Variants in DCP2 observed in about 807,000 individuals in gnomAD.
DCP2 encodes the protein decapping mRNA 2, also known as m7GpppN-mRNA hydrolase.
Under a neutral mutation model 56.1 loss-of-function variants are expected in DCP2, and 30 were observed. That is an observed-to-expected ratio of 0.53 (90% CI 0.40 to 0.73). The LOEUF (loss-of-function observed/expected upper bound fraction) is 0.73. Among genes scored for constraint, DCP2 ranks in the 30% least tolerant of loss-of-function variants. DCP2 has a pLI of 0.00. For synonymous variants in DCP2, 197 were observed against 163.3 expected, an observed-to-expected ratio of 1.21 and a Z score of -1.57; for missense variants, 533 against 502.7, an observed-to-expected ratio of 1.06 and a Z score of -0.58.
intron 1 of DCP2, among the ~76,000 whole-genome samples, chr5:112,978,002 G>C (rs938166136): frequency 3.3e-5 from 5 of 151,892 alleles, no homozygotes; most frequent in Admixed American, 3.3e-4. Flanking sequence ...TTTTGAGACG[G>C]AGCCTCTTTC....
chr5:113,001,505 T>C (rs1301383120), intron 6 of DCP2, 36 bp downstream of exon 6: 3 of 1,606,076 alleles, frequency 1.9e-6, no homozygotes, highest in East Asian at 2.2e-5. Flanking sequence ...ACTTTCATGA[T>C]TGGGATAGTC....
rs1265895693 is a variant in DCP2, at chr5:113,011,329, G to C, written c.1099+522G>C. Among the ~76,000 whole-genome samples, 3 of 152,290 alleles carry C rather than the reference G, an allele frequency of 2.0e-5. No individual in the cohort carries two copies. The South Asian group carries it at 6.2e-4, about 32-fold the overall frequency. ...GATACTAAGTATGAGTTTTATTAAAGATACTTGCAATTTCTCCTTCCTCGG... is the reference window on the plus strand; with the variant it reads ...GATACTAAGTATGAGTTTTATTAAACATACTTGCAATTTCTCCTTCCTCGG... On this transcript the variant is annotated intron_variant, in intron 10 of 10. Coordinates refer to ENST00000389063, the MANE Select transcript of DCP2 (RefSeq NM_152624.6).
In DCP2 at chr5:113,001,689, T is replaced by G. The variant is rs1206824066; in HGVS notation, c.806+15T>G. 1.3e-6 allele frequency: 2 copies of G among 1,597,548 alleles called. No individual in the cohort carries two copies. The highest frequency in any genetic ancestry group is 3.3e-5 in the Admixed American group (2 of 59,846). ...GAAAAATTGAGGTAAAGAAATACAT[T>G]CATGGAATCCTGATTTTCTAATAGT... On this transcript the variant is annotated intron_variant, in intron 7 of 10. Transcript: ENST00000389063.
chr5:112,984,901 C>T (rs985005444), intron 1 of DCP2, among the ~76,000 whole-genome samples: 1 of 151,054 alleles, frequency 6.6e-6, no homozygotes, highest in Non-Finnish European at 1.5e-5. Context: ...AGAAGGGCCT[C>T]TTGTAATTGG....
intron 9 of DCP2, among the ~76,000 whole-genome samples, chr5:113,010,184 C>T (rs1195674172): frequency 6.6e-6 from 1 of 151,134 alleles, no homozygotes; most frequent in Non-Finnish European, 1.5e-5. Context: ...AGGTGCGTGG[C>T]ACCACACCCT....
intron 8 of DCP2, among the ~76,000 whole-genome samples, chr5:113,005,151 G>GGTGGGTGTGTGTGTGTGTGT (rs1554101206): frequency 2.7e-5 from 4 of 149,420 alleles, no homozygotes; most frequent in Admixed American, 6.6e-5. Context: ...TGTGCGTGTG[G>GGTGGGTGTGTGTGTGTGTGT]GTGTGTGTGT....
Position 112,976,820 on chromosome 5 carries a change from C to T in DCP2, c.-114C>T, listed in dbSNP as rs773931825. 9.3e-7 allele frequency: 1 copy of T among 1,080,674 alleles called. No individual in the cohort carries two copies. The highest frequency in any genetic ancestry group is 1.2e-5 in the South Asian group (1 of 80,406). The allele number at this position is 1,080,674 out of a possible 1,614,324, so 66.9% of individuals were successfully genotyped here. ...CTTCTCGTCTCCGTTGGAGTCGTCT[C>T]TGCCGCGGCTTCCTCGGCTGCCAGC... On this transcript the variant is annotated 5_prime_UTR_variant, in exon 1 of 11. Transcript: ENST00000389063.
intron 1 of DCP2, among the ~76,000 whole-genome samples, chr5:112,984,867 G>C (rs950593161): frequency 3.3e-5 from 5 of 151,014 alleles, no homozygotes; most frequent in African/African-American, 9.7e-5. Context: ...ACCATATCTG[G>C]CTAATTTTTA....
rs1750111695 is a variant in DCP2 at position 113,021,272 on chromosome 5, C to T, written c.*7788C>T. On this transcript the variant is annotated 3_prime_UTR_variant, in exon 11 of 11. Coordinates refer to ENST00000389063, the MANE Select transcript of DCP2 (RefSeq NM_152624.6). ...GTCCCAGCTACTTGGGAGGCTGAGG[C>T]AGGAGAATCTCTTGACCCCGGGAGG... is the stretch of plus-strand genomic sequence containing the variant. 6.6e-6 allele frequency among the ~76,000 whole-genome samples: 1 copy of T among 150,996 alleles called. No individual in the cohort carries two copies. Among genetic ancestry groups the T allele is most frequent in the South Asian group, 2.1e-4 (1 of 4,780 alleles).
intron 1 of DCP2, among the ~76,000 whole-genome samples, chr5:112,977,871 A>G (rs1197833245): frequency 6.6e-6 from 1 of 152,110 alleles, no homozygotes; most frequent in African/African-American, 2.4e-5. Context: ...TTTATGTTTT[A>G]AAAGGCAGGC....
intron 10 of DCP2, among the ~76,000 whole-genome samples, 172 bp from the exon 11 acceptor site, chr5:113,013,149 C>T (rs973346171): frequency 6.6e-5 from 10 of 152,100 alleles, no homozygotes; most frequent in African/African-American, 2.4e-4. Flanking sequence ...ATGCAGTTGA[C>T]CACCAGTTTA....
At chr5:112,977,845 G>T (rs1279534500) in intron 1 of DCP2, among the ~76,000 whole-genome samples, 1 of 152,068 alleles carries the variant, frequency 6.6e-6, no homozygotes, top group Non-Finnish European at 1.5e-5. Flanking sequence ...ACACCTTTTC[G>T]TTCACAGTTA....
rs371545490 is a variant in DCP2 at position 112,976,965 on chromosome 5, G to C, written c.32G>C (p.Ser11Thr). Residue 11 changes from serine (S) to threonine (T), a missense_variant, in exon 1 of 11, where the codon AGC becomes ACC. Physicochemically the swap from Ser to Thr is moderately conservative, Grantham distance 58. Transcript: ENST00000389063. METKRVEIPG[S>T]VLDDLCSRFI... ...ACCAAACGGGTGGAGATTCCCGGCA[G>C]CGTCCTGGACGATCTCTGCAGGTAC... The C allele has an allele frequency of 1.2e-5, 19 of 1,599,462 alleles. No homozygotes were observed. In the African/African-American group the frequency reaches 1.6e-4, roughly 14 times the overall value.
chr5:112,983,653 C>A (rs1247755374), intron 1 of DCP2, among the ~76,000 whole-genome samples: 1 of 151,738 alleles, frequency 6.6e-6, no homozygotes, highest in African/African-American at 2.4e-5. Flanking sequence ...CAAAATTTCA[C>A]AACACTGGGG....
At chr5:112,992,901 C>CT (rs1274772466) in intron 4 of DCP2, 131 bp downstream of exon 4, 4,608 of 113,872 alleles carry the variant, frequency 0.04, 1 homozygote, top group Middle Eastern at 0.054. Context: ...AAGTAACTTA[C>CT]TTTTTTTTTT....
Position 113,021,219 on chromosome 5 carries a change from T to C in DCP2, c.*7735T>C, listed in dbSNP as rs1750108499. ...ATGGTGAAACTAAAAATTCAAAAAT[T>C]AGCTGGGCGTGGTGGTGCGTGTCTG... On this transcript the variant is annotated 3_prime_UTR_variant, in exon 11 of 11. Coordinates refer to ENST00000389063, the MANE Select transcript of DCP2 (RefSeq NM_152624.6). Among the ~76,000 whole-genome samples, 1 of 151,852 alleles carries C rather than the reference T, an allele frequency of 6.6e-6. No homozygotes were observed. The highest frequency in any genetic ancestry group is 1.9e-4 in the East Asian group (1 of 5,154).
At chr5:113,009,081 G>A (rs1683638649) in intron 9 of DCP2, among the ~76,000 whole-genome samples, 1 of 152,120 alleles carries the variant, frequency 6.6e-6, no homozygotes, top group South Asian at 2.1e-4. Flanking sequence ...TCCAGACCTC[G>A]TGATCCACCT....
intron 2 of DCP2, among the ~76,000 whole-genome samples, chr5:112,991,569 T>C (rs1337724089): frequency 6.6e-6 from 1 of 152,236 alleles, no homozygotes; most frequent in East Asian, 1.9e-4. Context: ...ATATATGTGG[T>C]AAACAGTATA....
At chr5:113,010,721 G>A (rs757737184) in intron 9 of DCP2, 35 bp from the exon 10 acceptor site, 21 of 973,130 alleles carry the variant, frequency 2.2e-5, no homozygotes, top group Admixed American at 3.6e-5. Context: ...TGTGTTGTAT[G>A]TGTGTGTGTG....
Sources: allele counts gnomAD v4.1 joint callset (sites outside exome capture counted in the v4.1 genomes callset), GRCh38; gene constraint gnomAD v4.1.1; transcripts MANE v1.5; gene names NCBI Gene and HGNC (gene_info 2026-07-23, HGNC 2026-07-21).